Variants in SGCZ observed in about 807,000 individuals in gnomAD.
The protein encoded by SGCZ is zeta-sarcoglycan.
In SGCZ, 40 loss-of-function variants were observed where a neutral mutation model predicts 41.3. That is an observed-to-expected ratio of 0.97 (90% CI 0.75 to 1.26). The LOEUF (loss-of-function observed/expected upper bound fraction) is 1.26. SGCZ is among the 50% of genes most tolerant of loss of function. The pLI, the probability that SGCZ is intolerant of heterozygous loss-of-function variation, is 0.00. For synonymous variants in SGCZ, 206 were observed against 137.5 expected (o/e 1.50, Z -3.49); for missense variants, 552 against 369.8 (o/e 1.49, Z -4.04).
At chr8:14,865,644 A>G (rs1803906348) in intron 1 of SGCZ, among the ~76,000 whole-genome samples, 1 of 152,114 alleles carries the variant, frequency 6.6e-6, no homozygotes, top group Non-Finnish European at 1.5e-5. Flanking sequence ...GCTCACTTCA[A>G]TTACATAAGG....
intron 3 of SGCZ, among the ~76,000 whole-genome samples, chr8:14,276,962 C>T (rs1027772004): frequency 6.6e-6 from 1 of 152,164 alleles, no homozygotes; most frequent in Non-Finnish European, 1.5e-5. Flanking sequence ...AATTATGTAA[C>T]GGGGCCTTTT....
chr8:14,262,519 G>A (rs990293315), intron 3 of SGCZ, among the ~76,000 whole-genome samples: 4 of 151,728 alleles, frequency 2.6e-5, no homozygotes, highest in African/African-American at 9.7e-5. Context: ...TCAAAGCACA[G>A]GAATAATTAG....
At chr8:14,334,581 T>C (rs79490828) in intron 2 of SGCZ, among the ~76,000 whole-genome samples, 2,320 of 152,170 alleles carry the variant, frequency 0.015, 58 homozygotes, top group African/African-American at 0.053. Flanking sequence ...AATTTGTATA[T>C]CTTCTTAATT....
intron 1 of SGCZ, among the ~76,000 whole-genome samples, chr8:15,179,437 A>G (rs1800097995): frequency 6.6e-6 from 1 of 152,226 alleles, no homozygotes; most frequent in African/African-American, 2.4e-5. Context: ...CGTAAGATGT[A>G]TCATCAACAA....
chr8:14,864,203 A>G (rs554147866), intron 1 of SGCZ, among the ~76,000 whole-genome samples: 1 of 152,146 alleles, frequency 6.6e-6, no homozygotes, highest in Non-Finnish European at 1.5e-5. Flanking sequence ...GCTCGAAAAC[A>G]TCCTCCACTT....
chr8:14,570,782 C>G (rs1439885118), intron 1 of SGCZ, among the ~76,000 whole-genome samples: 3 of 152,058 alleles, frequency 2.0e-5, no homozygotes, highest in Non-Finnish European at 4.4e-5. Flanking sequence ...ACTTTCAACC[C>G]CTATCTGCCT....
intron 1 of SGCZ, among the ~76,000 whole-genome samples, chr8:14,716,512 A>T (rs918410394): frequency 2.0e-5 from 3 of 152,106 alleles, no homozygotes; most frequent in Non-Finnish European, 2.9e-5. Flanking sequence ...AGACACTGGA[A>T]TCATAATTTG....
chr8:14,468,544 C>G (rs1312054045), intron 2 of SGCZ, among the ~76,000 whole-genome samples: 1 of 152,028 alleles, frequency 6.6e-6, no homozygotes, highest in Non-Finnish European at 1.5e-5. Context: ...AAAGGTGGTG[C>G]CTCATCTAAC....
At chr8:14,656,212 CTTTATCCAGAGATAAAGTGTT>C (rs1241071618) in intron 1 of SGCZ, among the ~76,000 whole-genome samples, 1 of 82,256 alleles carries the variant, frequency 1.2e-5, no homozygotes. Context: ...GATAAAGTGT[CTTTATCCAGAGATAAAGTGTT>C]TCCACATCCT....
At chr8:14,351,936 T>G (rs1196598166) in intron 2 of SGCZ, among the ~76,000 whole-genome samples, 1 of 152,148 alleles carries the variant, frequency 6.6e-6, no homozygotes, top group East Asian at 1.9e-4. Flanking sequence ...TAATTTCATT[T>G]TTCACATATA....
chr8:14,422,987 C>T (rs1347698370), intron 2 of SGCZ, among the ~76,000 whole-genome samples: 2 of 152,000 alleles, frequency 1.3e-5, no homozygotes, highest in Non-Finnish European at 2.9e-5. Context: ...ATGATCATGC[C>T]ATTGTACTCC....
Position 14,117,356 on chromosome 8 carries a change from GTTT to G in SGCZ, c.548-9124_548-9122del, listed in dbSNP as rs57139452. Among the ~76,000 whole-genome samples the G allele has an allele frequency of 9.5e-3, 1,367 of 143,450 alleles. 23 individuals carry two copies. The highest frequency in any genetic ancestry group is 0.031 in the African/African-American group (1,185 of 38,122). 94.1% of individuals were successfully genotyped at this position (143,450 alleles called of 152,430 possible). The stretch of plus-strand genomic sequence containing the variant: ...ATATTCAATATTTTCAATAGGTAGT[GTTT>G]TTTTTTTTTTTTGAGAAAGCTTAAA... On this transcript the variant is annotated intron_variant, in intron 5 of 7. Coordinates refer to ENST00000382080, the MANE Select transcript of SGCZ (RefSeq NM_139167.4).
At chr8:14,159,932 A>G (rs1017916342) in intron 5 of SGCZ, among the ~76,000 whole-genome samples, 12 of 152,192 alleles carry the variant, frequency 7.9e-5, no homozygotes, top group African/African-American at 2.9e-4. Context: ...AGCTCTTCAG[A>G]AAGTCCTTTC....
intron 1 of SGCZ, among the ~76,000 whole-genome samples, chr8:15,017,619 C>G (rs560521301): frequency 6.6e-6 from 1 of 152,060 alleles, no homozygotes; most frequent in Admixed American, 6.6e-5. Flanking sequence ...GTTCCTCCCA[C>G]CGAAGTCTCC....
intron 2 of SGCZ, among the ~76,000 whole-genome samples, chr8:14,336,117 C>T (rs963897542): frequency 2.0e-5 from 3 of 152,026 alleles, no homozygotes; most frequent in African/African-American, 7.2e-5. Flanking sequence ...CCCCATGTGT[C>T]CATGTGTTCC....
At chr8:14,943,607 AG>A (rs1301302413) in intron 1 of SGCZ, among the ~76,000 whole-genome samples, 1 of 152,124 alleles carries the variant, frequency 6.6e-6, no homozygotes, top group Non-Finnish European at 1.5e-5. Context: ...GTACATGTGC[AG>A]GTTTGTTCAA....
intron 7 of SGCZ, among the ~76,000 whole-genome samples, chr8:14,093,323 G>T (rs1015108374): frequency 2.0e-5 from 3 of 151,986 alleles, no homozygotes; most frequent in African/African-American, 7.2e-5. Context: ...GAACTTTTAA[G>T]AAACGCAAAT....
At chr8:14,232,105 C>A (rs1339632361) in intron 4 of SGCZ, among the ~76,000 whole-genome samples, 1 of 149,430 alleles carries the variant, frequency 6.7e-6, no homozygotes, top group Non-Finnish European at 1.5e-5. Flanking sequence ...TCCTAATGAC[C>A]AATTTTCTAA....
At chr8:15,137,393 A>G (rs750194544) in intron 1 of SGCZ, among the ~76,000 whole-genome samples, 3 of 152,248 alleles carry the variant, frequency 2.0e-5, no homozygotes, top group African/African-American at 4.8e-5. Context: ...AGAAATTTCT[A>G]TAAGTAACAA....
Sources: gnomAD v4.1 joint callset for allele counts (sites outside exome capture counted in the v4.1 genomes callset) on GRCh38, gnomAD v4.1.1 for gene constraint, MANE v1.5 for transcripts, NCBI Gene and HGNC (gene_info 2026-07-23, HGNC 2026-07-21) for gene names.